Variants in KMT2E observed in about 807,000 individuals in gnomAD.
KMT2E encodes the protein histone reader KMT2E.
In KMT2E, 30 loss-of-function variants were observed where a neutral mutation model predicts 184.6. That is an observed-to-expected ratio of 0.16 (90% CI 0.12 to 0.22). The LOEUF is 0.22. Ranked by LOEUF, KMT2E falls within the 10% of genes least tolerant of loss-of-function variation. The pLI is 1.00. For synonymous variants in KMT2E, 815 were observed against 776.5 expected (o/e 1.05, Z -0.82); for missense variants, 2,023 against 2,237.4 (o/e 0.90, Z 1.93).
Position 105,063,459 on chromosome 7 carries a change from G to A in KMT2E, c.295G>A (p.Glu99Lys). 6.2e-7 allele frequency: 1 copy of A among 1,613,736 alleles called. No individual in the cohort carries two copies. Among genetic ancestry groups the A allele is most frequent in the Admixed American group, 1.7e-5 (1 of 59,976 alleles). The change falls in exon 5 of 27, where the codon GAA (glutamate) becomes AAA (lysine). Residue 99 changes from glutamate (E) to lysine (K), a missense_variant. Transcript: ENST00000311117. ...CATATTTACCACTCCTAATTTTGATGAAACTTCCAGTGCTACTACAATCAG... is the reference window on the plus strand; with the variant it reads ...CATATTTACCACTCCTAATTTTGATAAAACTTCCAGTGCTACTACAATCAG... ...VGIFTTPNFD[E>K]TSSATTISTS...
At chr7:105,090,298 A>G (rs747669863) in intron 14 of KMT2E, 25 bp downstream of exon 14, 5 of 1,564,642 alleles carry the variant, frequency 3.2e-6, no homozygotes, top group Non-Finnish European at 3.4e-6. Context: ...TCTCAATGAA[A>G]TTGAATAAAC....
In KMT2E at chr7:105,113,871, C is replaced by A. The variant is rs1338451676; in HGVS notation, c.*538C>A. 2 of 155,050 alleles carry A rather than the reference C, an allele frequency of 1.3e-5. No homozygotes were observed. The highest frequency in any genetic ancestry group is 2.9e-5 in the Non-Finnish European group (2 of 68,524). The allele number at this position is 155,050 out of a possible 1,614,324, so 9.6% of individuals were successfully genotyped here. A position where few individuals can be genotyped will look rare whatever the true frequency, so the allele number is the denominator to read the frequency against. Reference sequence around the variant, plus strand: ...AATGTCTCCTGACAAACTGTAAATACTGCATTTCTTTTGCGTATATAATTG... The same window carrying A: ...AATGTCTCCTGACAAACTGTAAATAATGCATTTCTTTTGCGTATATAATTG... On this transcript the variant is annotated 3_prime_UTR_variant, in exon 27 of 27. Coordinates refer to ENST00000311117, the MANE Select transcript of KMT2E (RefSeq NM_182931.3).
intron 13 of KMT2E, among the ~76,000 whole-genome samples, chr7:105,088,128 G>A (rs908852019): frequency 6.6e-6 from 1 of 152,092 alleles, no homozygotes; most frequent in Admixed American, 6.5e-5. Flanking sequence ...TCCCATAGAG[G>A]TTAAGAATGT....
intron 1 of KMT2E, among the ~76,000 whole-genome samples, chr7:105,015,491 T>G (rs868803658): frequency 1.3e-5 from 2 of 152,252 alleles, no homozygotes; most frequent in East Asian, 3.9e-4. Context: ...TTTTTAGAGA[T>G]GTGAATAAGG....
Position 105,062,261 on chromosome 7 carries a change from A to G in KMT2E, c.169A>G (p.Ile57Val), listed in dbSNP as rs759950275. 8 of 1,612,336 alleles carry G rather than the reference A, an allele frequency of 5.0e-6. No homozygotes were observed. The highest frequency in any genetic ancestry group is 1.7e-5 in the Admixed American group (1 of 59,932). Residue 57 changes from isoleucine (I) to valine (V), a missense_variant, in exon 4 of 27, where the codon ATT becomes GTT. By Grantham distance (29) the Ile-to-Val change is conservative (BLOSUM62 3). Around this residue, in one of 8 missense-constraint regions of KMT2E, gnomAD observed 63 missense variants for 68.9 expected, o/e 0.91. Transcript: ENST00000311117. ...TSSSHHSHSY[I>V]GLPYADHNYG... The stretch of plus-strand genomic sequence containing the variant: ...CAGCTCACATCATTCACACAGTTAC[A>G]TTGGTTTGCCCTATGCGGTAAGTGT...
chr7:105,017,815 A>G (rs1794780162), intron 1 of KMT2E, among the ~76,000 whole-genome samples: 1 of 152,208 alleles, frequency 6.6e-6, no homozygotes, highest in African/African-American at 2.4e-5. Flanking sequence ...TTTCGTTGTC[A>G]GTGTAAATGA....
intron 13 of KMT2E, among the ~76,000 whole-genome samples, chr7:105,085,695 T>G (rs1401294234): frequency 6.6e-6 from 1 of 151,866 alleles, no homozygotes; most frequent in Non-Finnish European, 1.5e-5. Context: ...TTGATTTTTT[T>G]TTTTTGGAGA....
chr7:105,103,728 T>C (rs910405322), intron 17 of KMT2E: 3 of 150,876 alleles, frequency 2.0e-5, no homozygotes, highest in African/African-American at 4.9e-5. Flanking sequence ...AAAGGATGGG[T>C]AGATTTTTAA....
In KMT2E at chr7:105,106,011, T is replaced by A. The variant is rs747663405; in HGVS notation, c.2596+8T>A. On this transcript the variant is annotated splice_region_variant and intron_variant, in intron 19 of 26. Coordinates refer to ENST00000311117, the MANE Select transcript of KMT2E (RefSeq NM_182931.3). ...ACAGCTGTTCCCTTCCAGGTAGAATTTTTTTTTCAGAGTTTTGGTTTGAGA... is the reference window on the plus strand; with the variant it reads ...ACAGCTGTTCCCTTCCAGGTAGAATATTTTTTTCAGAGTTTTGGTTTGAGA... The A allele has an allele frequency of 3.1e-6, 5 of 1,596,700 alleles. No individual in the cohort carries two copies. The Admixed American group carries it at 7.3e-5, about 23-fold the overall frequency.
At chr7:105,045,266 T>G (rs553866539) in intron 3 of KMT2E, among the ~76,000 whole-genome samples, 85 of 152,342 alleles carry the variant, frequency 5.6e-4, no homozygotes, top group Non-Finnish European at 1.0e-3. Context: ...CTCTTTACCT[T>G]TGGCTTTAGT....
At chr7:105,079,721 C>A (rs1174972224) in intron 12 of KMT2E, among the ~76,000 whole-genome samples, 1 of 150,588 alleles carries the variant, frequency 6.6e-6, no homozygotes, top group African/African-American at 2.4e-5. Flanking sequence ...GATGGAGTCT[C>A]ATTTTGCTGC....
intron 1 of KMT2E, among the ~76,000 whole-genome samples, chr7:105,029,835 G>T (rs1795328799): frequency 6.6e-6 from 1 of 152,166 alleles, no homozygotes; most frequent in Non-Finnish European, 1.5e-5. Context: ...AAGATTGATG[G>T]GAGACTAATA....
At chr7:105,106,092 T>C in intron 19 of KMT2E, 89 bp downstream of exon 19, 1 of 1,289,968 alleles carries the variant, frequency 7.8e-7, no homozygotes, top group South Asian at 1.4e-5. Flanking sequence ...GTTACTGGTA[T>C]GCACTTTAGA....
rs148285085 is a variant in KMT2E at position 105,107,857 on chromosome 7, G to A, written c.3400G>A (p.Gly1134Arg). 6 of 1,613,906 alleles carry A rather than the reference G, an allele frequency of 3.7e-6. No individual in the cohort carries two copies. The highest frequency in any genetic ancestry group is 1.3e-5 in the African/African-American group (1 of 74,850). Residue 1134 changes from glycine (G) to arginine (R), a missense_variant, in exon 22 of 27, where the codon GGA becomes AGA. Physicochemically the swap from Gly to Arg is moderately radical, Grantham distance 125. Coordinates refer to ENST00000311117, the MANE Select transcript of KMT2E (RefSeq NM_182931.3). ...TSEDGLVSGF[G>R]RTVNDNLIDG... ...CGAAGATGGGCTTGTATCTGGTTTC[G>A]GACGGACTGTTAATGACAATTTGAT... is the stretch of plus-strand genomic sequence containing the variant.
chr7:105,023,990 C>G (rs1179248281), intron 1 of KMT2E, among the ~76,000 whole-genome samples: 2 of 151,992 alleles, frequency 1.3e-5, no homozygotes, highest in Non-Finnish European at 2.9e-5. Context: ...GGAAAAGAAA[C>G]AGAAAAACAC....
At chr7:105,049,926 T>A (rs951021893) in intron 3 of KMT2E, among the ~76,000 whole-genome samples, 8 of 151,900 alleles carry the variant, frequency 5.3e-5, no homozygotes, top group Non-Finnish European at 1.0e-4. Context: ...ATGTCACTTT[T>A]AAAAAAATTG....
intron 3 of KMT2E, among the ~76,000 whole-genome samples, chr7:105,042,753 T>G (rs1030707855): frequency 6.6e-6 from 1 of 152,242 alleles, no homozygotes; most frequent in Non-Finnish European, 1.5e-5. Flanking sequence ...TTACGTATTT[T>G]CATACAAATA....
intron 3 of KMT2E, among the ~76,000 whole-genome samples, chr7:105,050,689 C>CTT (rs1172132172): frequency 1.9e-5 from 2 of 105,108 alleles, no homozygotes; most frequent in East Asian, 3.0e-4. Flanking sequence ...TTCTTTCTTT[C>CTT]TCTTTCTCTC....
chr7:105,052,256 C>T (rs1170649248), intron 3 of KMT2E, among the ~76,000 whole-genome samples: 2 of 152,124 alleles, frequency 1.3e-5, no homozygotes, highest in East Asian at 3.9e-4. Flanking sequence ...GGACTTTGTA[C>T]TCGTGATTTC....
Sources: allele counts gnomAD v4.1 joint callset (sites outside exome capture counted in the v4.1 genomes callset), GRCh38; gene constraint gnomAD v4.1.1; regional missense constraint gnomAD v4.1.1; transcripts MANE v1.5; gene names NCBI Gene and HGNC (gene_info 2026-07-23, HGNC 2026-07-21).